MEIG1: variants seen among roughly 807,000 people sequenced by gnomAD.
The protein encoded by MEIG1 is meiosis/spermiogenesis associated 1, also known as meiosis expressed gene 1 protein homolog.
A neutral mutation model predicts 11.3 loss-of-function variants in MEIG1; 12 were observed. The ratio of observed to expected loss-of-function variants is 1.07; its 90% CI spans 0.68 to 1.73. The LOEUF is 1.73. Ranked by LOEUF, MEIG1 falls within the 40% of genes most tolerant of loss-of-function variation. The pLI is 0.00. For synonymous variants in MEIG1, 41 were observed against 33.2 expected (o/e 1.24, Z -0.81); for missense variants, 119 against 104.9 (o/e 1.13, Z -0.59).
chr10:14,970,739 G>A (rs60197264), intron 2 of MEIG1, among the ~76,000 whole-genome samples: 1,663 of 152,278 alleles, frequency 0.011, 30 homozygotes, highest in South Asian at 0.048. Context: ...GGACACAGAT[G>A]GTATATTCAT....
intron 2 of MEIG1, chr10:14,987,506 A>C (rs1036042657): frequency 2.8e-6 from 2 of 703,956 alleles, no homozygotes; most frequent in African/African-American, 3.5e-5. Context: ...ACCAGCCCTT[A>C]ATGTTGGATG....
At chr10:14,986,790 C>T in intron 1 of MEIG1, 1 of 344,016 alleles carries the variant, frequency 2.9e-6, no homozygotes, top group Non-Finnish European at 5.6e-6. Flanking sequence ...TTTGTTTTTT[C>T]CGTAGAGACG....
chr10:14,960,764 C>T (rs1843003418), intron 1 of MEIG1, among the ~76,000 whole-genome samples: 1 of 151,954 alleles, frequency 6.6e-6, no homozygotes. Context: ...TGGTGGCTCA[C>T]CCCTGTAATC....
At chr10:14,976,022 C>G (rs1264062781), downstream of MEIG1, among the ~76,000 whole-genome samples, 1 of 152,180 alleles carries the variant, frequency 6.6e-6, no homozygotes, top group Non-Finnish European at 1.5e-5. Flanking sequence ...CACGCTGTGA[C>G]CACCGTGGAT....
At chr10:14,987,352 G>A (rs1488799847) in intron 2 of MEIG1, 10 of 794,744 alleles carry the variant, frequency 1.3e-5, no homozygotes, top group South Asian at 4.1e-5. Context: ...ACAGGGACAG[G>A]GACAGCAAAG....
intron 1 of MEIG1, among the ~76,000 whole-genome samples, 151 bp downstream of exon 1, chr10:14,959,708 A>G (rs1842989447): frequency 6.6e-6 from 1 of 152,008 alleles, no homozygotes; most frequent in African/African-American, 2.4e-5. Flanking sequence ...CGTGGTTTTC[A>G]TGTCTCTTCC....
chr10:14,987,603 GA>G (rs1220552896), intron 2 of MEIG1: 3 of 534,896 alleles, frequency 5.6e-6, no homozygotes, highest in Admixed American at 6.3e-5. Context: ...AAAAATCTCA[GA>G]ATTTTTACGT....
At chr10:14,975,565 G>T (rs1451894063), downstream of MEIG1, among the ~76,000 whole-genome samples, 1 of 152,102 alleles carries the variant, frequency 6.6e-6, no homozygotes, top group African/African-American at 2.4e-5. Flanking sequence ...ACCGCAGGAG[G>T]TGTACACCCA....
chr10:14,986,526 A>T (rs1843320355), intron 1 of MEIG1, among the ~76,000 whole-genome samples: 2 of 152,122 alleles, frequency 1.3e-5, no homozygotes, highest in African/African-American at 4.8e-5. Context: ...GGACCCAATT[A>T]TCCACTTGTC....
chr10:14,982,320 G>C (rs577488188), intron 1 of MEIG1, among the ~76,000 whole-genome samples: 3 of 151,988 alleles, frequency 2.0e-5, no homozygotes, highest in Non-Finnish European at 4.4e-5. Flanking sequence ...TGGTCGGTTC[G>C]TGGTACCTGG....
At chr10:14,977,792 T>TG (rs1462587592), downstream of MEIG1, among the ~76,000 whole-genome samples, 2 of 151,886 alleles carry the variant, frequency 1.3e-5, no homozygotes, top group African/African-American at 2.4e-5. Context: ...AATAACACAG[T>TG]GGGTGTACAC....
upstream of MEIG1, among the ~76,000 whole-genome samples, chr10:14,955,703 A>G (rs1452100685): frequency 6.6e-6 from 1 of 152,198 alleles, no homozygotes; most frequent in South Asian, 2.1e-4. Flanking sequence ...GTCTCAAAAA[A>G]ACAAAACAAA....
At chr10:14,958,872 G>A (rs1353660969), upstream of MEIG1, among the ~76,000 whole-genome samples, 1 of 151,984 alleles carries the variant, frequency 6.6e-6, no homozygotes, top group Non-Finnish European at 1.5e-5. Flanking sequence ...CTCCAGCCTG[G>A]GCGACGGAGC....
chr10:14,980,922 G>A (rs1288089901), intron 1 of MEIG1, among the ~76,000 whole-genome samples: 1 of 152,164 alleles, frequency 6.6e-6, no homozygotes, highest in African/African-American at 2.4e-5. Context: ...CAATGTGGAC[G>A]GGTTAGGTAC....
chr10:14,971,216 G>GATAATGATAATAATA (rs1554806492), intron 2 of MEIG1, among the ~76,000 whole-genome samples: 301 of 143,644 alleles, frequency 2.1e-3, no homozygotes, highest in Middle Eastern at 3.6e-3. Flanking sequence ...TAATAATAAT[G>GATAATGATAATAATA]ATAATAATAA....
intron 1 of MEIG1, among the ~76,000 whole-genome samples, chr10:14,980,921 C>T (rs904192810): frequency 2.0e-5 from 3 of 152,096 alleles, no homozygotes; most frequent in Non-Finnish European, 4.4e-5. Flanking sequence ...ACAATGTGGA[C>T]GGGTTAGGTA....
intron 2 of MEIG1, among the ~76,000 whole-genome samples, chr10:14,972,120 T>G (rs1400921127): frequency 6.6e-6 from 1 of 151,976 alleles, no homozygotes; most frequent in Non-Finnish European, 1.5e-5. Flanking sequence ...GTTCAATGGA[T>G]TCTTCTGCCT....
chr10:14,977,845 AG>A (rs1843227044), downstream of MEIG1, among the ~76,000 whole-genome samples: 2 of 151,986 alleles, frequency 1.3e-5, no homozygotes, highest in Admixed American at 1.3e-4. Context: ...TATCCTAGGG[AG>A]GTATTCCTTC....
upstream of MEIG1, among the ~76,000 whole-genome samples, chr10:14,956,586 A>C (rs1447151627): frequency 6.6e-6 from 1 of 152,210 alleles, no homozygotes; most frequent in Non-Finnish European, 1.5e-5. Context: ...CCATCTCGAA[A>C]GCAAAACAAA....
Sources: allele counts gnomAD v4.1 joint callset (sites outside exome capture counted in the v4.1 genomes callset), GRCh38; gene constraint gnomAD v4.1.1; transcripts MANE v1.5; gene names NCBI Gene and HGNC (gene_info 2026-07-23, HGNC 2026-07-21).